Variants in CLSTN2 observed in about 807,000 individuals in gnomAD.
CLSTN2 encodes the protein calsyntenin 2, also known as calsyntenin-2.
CLSTN2 carries 48 observed loss-of-function variants against 101.2 expected under a neutral mutation model. That is an observed-to-expected ratio of 0.47 (90% CI 0.38 to 0.60). The LOEUF is 0.60. Among genes scored for constraint, CLSTN2 ranks in the 20% least tolerant of loss-of-function variants. The probability of loss-of-function intolerance (pLI) is 0.00; values close to 1 mark genes in which losing one functional copy is unlikely to be tolerated. For missense variants in CLSTN2, 1,160 were observed against 1,238.2 expected, an observed-to-expected ratio of 0.94 and a Z score of 0.95; for synonymous variants, 481 against 463.6, an observed-to-expected ratio of 1.04 and a Z score of -0.48.
intron 2 of CLSTN2, among the ~76,000 whole-genome samples, chr3:140,334,559 C>T (rs1031970387): frequency 6.6e-6 from 1 of 152,198 alleles, no homozygotes; most frequent in African/African-American, 2.4e-5. Flanking sequence ...GAGTCCCCAC[C>T]TTACAGCACC....
chr3:139,997,211 T>C (rs1194028238), intron 1 of CLSTN2, among the ~76,000 whole-genome samples: 1 of 152,214 alleles, frequency 6.6e-6, no homozygotes, highest in Non-Finnish European at 1.5e-5. Flanking sequence ...TCAGATCTCT[T>C]ATCTGGGTTT....
At chr3:140,348,166 G>C (rs1192492784) in intron 2 of CLSTN2, among the ~76,000 whole-genome samples, 1 of 152,176 alleles carries the variant, frequency 6.6e-6, no homozygotes, top group Non-Finnish European at 1.5e-5. Context: ...GGAAATGGTA[G>C]AGTTACCAAC....
At chr3:140,208,899 C>G (rs749691164) in intron 2 of CLSTN2, among the ~76,000 whole-genome samples, 1 of 152,128 alleles carries the variant, frequency 6.6e-6, no homozygotes, top group Non-Finnish European at 1.5e-5. Context: ...ATAGGAAGAG[C>G]TCAGTAAATG....
intron 1 of CLSTN2, among the ~76,000 whole-genome samples, chr3:140,118,025 C>T (rs2009275171): frequency 6.6e-6 from 1 of 152,102 alleles, no homozygotes; most frequent in Non-Finnish European, 1.5e-5. Context: ...TTTGAGACAG[C>T]ACCTTTGAAG....
chr3:140,229,318 T>G (rs78954747), intron 2 of CLSTN2, among the ~76,000 whole-genome samples: 4,979 of 152,264 alleles, frequency 0.033, 247 homozygotes, highest in African/African-American at 0.11. Flanking sequence ...CTCAACACTG[T>G]TTATACCAAT....
intron 8 of CLSTN2, among the ~76,000 whole-genome samples, chr3:140,490,117 TACACACACACACACAC>T (rs71637079): frequency 0.017 from 33 of 1,940 alleles, 6 homozygotes; most frequent in South Asian, 0.036. Flanking sequence ...TATATATATA[TACACACACACACACAC>T]ACACACACAC....
chr3:139,972,381 G>T (rs1466915087), intron 1 of CLSTN2, among the ~76,000 whole-genome samples: 1 of 152,148 alleles, frequency 6.6e-6, no homozygotes, highest in Non-Finnish European at 1.5e-5. Flanking sequence ...CCTCCAGACT[G>T]CAGGCAGAGG....
intron 2 of CLSTN2, among the ~76,000 whole-genome samples, chr3:140,394,811 T>C (rs1421036015): frequency 3.3e-5 from 5 of 152,238 alleles, no homozygotes; most frequent in Non-Finnish European, 7.3e-5. Flanking sequence ...GTGATTTTTG[T>C]AAATTGTTAT....
At chr3:140,035,104 AT>A (rs2007629442) in intron 1 of CLSTN2, among the ~76,000 whole-genome samples, 2 of 152,206 alleles carry the variant, frequency 1.3e-5, no homozygotes, top group Non-Finnish European at 1.5e-5. Flanking sequence ...TTTCTGCCTA[AT>A]TATACATATT....
At chr3:140,500,315 CTGG>C (rs1471317406) in intron 8 of CLSTN2, among the ~76,000 whole-genome samples, 1 of 152,146 alleles carries the variant, frequency 6.6e-6, no homozygotes, top group African/African-American at 2.4e-5. Context: ...CAGAAAATAT[CTGG>C]GTAATATATA....
intron 1 of CLSTN2, among the ~76,000 whole-genome samples, chr3:140,078,712 G>A (rs921836974): frequency 1.3e-5 from 2 of 152,170 alleles, no homozygotes; most frequent in Non-Finnish European, 2.9e-5. Flanking sequence ...CGGTGCAGGG[G>A]AAAATCAATA....
intron 1 of CLSTN2, among the ~76,000 whole-genome samples, chr3:140,124,279 G>T (rs2009394409): frequency 6.6e-6 from 1 of 152,118 alleles, no homozygotes; most frequent in African/African-American, 2.4e-5. Flanking sequence ...GCAGGGCCCA[G>T]ATCAAAGAAA....
intron 1 of CLSTN2, among the ~76,000 whole-genome samples, chr3:140,139,421 A>T (rs912526558): frequency 6.6e-6 from 1 of 152,182 alleles, no homozygotes; most frequent in African/African-American, 2.4e-5. Context: ...TGCCTGCCTG[A>T]GGGTCCACCG....
chr3:139,959,545 G>A (rs1219783671), intron 1 of CLSTN2, among the ~76,000 whole-genome samples: 5 of 152,050 alleles, frequency 3.3e-5, no homozygotes, highest in Non-Finnish European at 7.4e-5. Context: ...GATTCTTTGG[G>A]GTCTCTAGTA....
chr3:140,482,695 A>G (rs1419283882), intron 8 of CLSTN2, among the ~76,000 whole-genome samples: 3 of 152,160 alleles, frequency 2.0e-5, no homozygotes, highest in Non-Finnish European at 4.4e-5. Flanking sequence ...CAAGGAATTT[A>G]TCCATTTCTT....
chr3:140,544,182 G>C (rs1661470071), intron 9 of CLSTN2, among the ~76,000 whole-genome samples: 1 of 152,244 alleles, frequency 6.6e-6, no homozygotes, highest in African/African-American at 2.4e-5. Context: ...AAGATGCCCA[G>C]TGTTGTTGAC....
At chr3:140,408,235 G>A (rs1009933842) in intron 4 of CLSTN2, among the ~76,000 whole-genome samples, 1 of 152,142 alleles carries the variant, frequency 6.6e-6, no homozygotes, top group African/African-American at 2.4e-5. Context: ...GAAGAGAAAA[G>A]GATAACAGGA....
intron 2 of CLSTN2, among the ~76,000 whole-genome samples, chr3:140,386,965 C>T (rs189223110): frequency 4.9e-4 from 75 of 152,296 alleles, no homozygotes; most frequent in Middle Eastern, 3.4e-3. Context: ...AAAGCACATC[C>T]GAGTACCTTA....
intron 1 of CLSTN2, among the ~76,000 whole-genome samples, chr3:140,063,574 T>C (rs530835339): frequency 6.6e-6 from 1 of 152,192 alleles, no homozygotes; most frequent in African/African-American, 2.4e-5. Context: ...GAAGTGCATG[T>C]GGACAGAGTG....
Sources: allele counts gnomAD v4.1 joint callset (sites outside exome capture counted in the v4.1 genomes callset), GRCh38; gene constraint gnomAD v4.1.1; transcripts MANE v1.5; gene names NCBI Gene and HGNC (gene_info 2026-07-23, HGNC 2026-07-21).